The following C10orf67 variants were observed in gnomAD, a reference collection of about 807,000 sequenced individuals.
C10orf67 encodes the protein chromosome 10 open reading frame 67, also known as uncharacterized protein C10orf67, mitochondrial.
Under a neutral mutation model 35.6 loss-of-function variants are expected in C10orf67, and 60 were observed. The observed-to-expected ratio is 1.68, with a 90% CI of 1.37 to 2.09. The LOEUF is 2.09. Among genes scored for constraint, C10orf67 ranks in the 30% most tolerant of loss-of-function variants. C10orf67 has a pLI of 0.00. For synonymous variants in C10orf67, 167 were observed against 115.8 expected, an observed-to-expected ratio of 1.44 and a Z score of -2.84; for missense variants, 474 against 330.2, an observed-to-expected ratio of 1.44 and a Z score of -3.38.
chr10:23,335,171 G>C (rs1271626957), intron 1 of C10orf67, among the ~76,000 whole-genome samples: 3 of 147,658 alleles, frequency 2.0e-5, no homozygotes, highest in Non-Finnish European at 4.5e-5. Flanking sequence ...CTGGGTGACA[G>C]AGCAAGATTC....
intron 12 of C10orf67, among the ~76,000 whole-genome samples, chr10:23,243,944 T>C (rs1018779772): frequency 5.3e-5 from 8 of 152,160 alleles, no homozygotes; most frequent in African/African-American, 1.9e-4. Flanking sequence ...CAGGCTAGAG[T>C]GCAGTGGCAT....
chr10:23,287,022 A>G (rs1292749931), intron 7 of C10orf67, among the ~76,000 whole-genome samples: 3 of 152,264 alleles, frequency 2.0e-5, no homozygotes, highest in Non-Finnish European at 4.4e-5. Flanking sequence ...GATAGGAAGA[A>G]TCAATATCAT....
At chr10:23,285,522 C>A (rs535168898) in intron 7 of C10orf67, among the ~76,000 whole-genome samples, 116 of 151,154 alleles carry the variant, frequency 7.7e-4, no homozygotes, top group African/African-American at 2.7e-3. Flanking sequence ...TTTTTTATCC[C>A]AATATATATT....
chr10:23,343,884 G>T (rs951872356), intron 1 of C10orf67: 1 of 462,416 alleles, frequency 2.2e-6, no homozygotes, highest in Admixed American at 2.4e-5. Context: ...GGCCGGCGGG[G>T]ACTGCCTCTC....
At chr10:23,212,211 G>A (rs1363727680) in intron 15 of C10orf67, among the ~76,000 whole-genome samples, 2 of 152,190 alleles carry the variant, frequency 1.3e-5, no homozygotes, top group Admixed American at 6.5e-5. Context: ...GCTAGGAGAC[G>A]GTCATGGGAC....
chr10:23,218,667 T>C (rs1841498206), intron 15 of C10orf67, among the ~76,000 whole-genome samples: 1 of 152,320 alleles, frequency 6.6e-6, no homozygotes, highest in East Asian at 1.9e-4. Context: ...GAAAAGTTGG[T>C]GGCAGTGACA....
At chr10:23,229,444 G>C (rs189245636) in intron 13 of C10orf67, among the ~76,000 whole-genome samples, 1 of 100,488 alleles carries the variant, frequency 1.0e-5, no homozygotes, top group African/African-American at 3.9e-5. Context: ...GGGGTGGGGG[G>C]AGGGGGGAGG....
chr10:23,253,469 G>A (rs894600975), intron 10 of C10orf67, among the ~76,000 whole-genome samples: 3 of 152,102 alleles, frequency 2.0e-5, no homozygotes, highest in African/African-American at 7.2e-5. Context: ...GAAATCACCA[G>A]GGGAAGAGCC....
chr10:23,232,133 C>A (rs575588101), intron 13 of C10orf67, among the ~76,000 whole-genome samples: 2 of 152,182 alleles, frequency 1.3e-5, no homozygotes, highest in African/African-American at 4.8e-5. Flanking sequence ...TGCGGGCATT[C>A]GTGTTATTAT....
At chr10:23,285,908 A>C (rs1843512490) in intron 7 of C10orf67, among the ~76,000 whole-genome samples, 1 of 152,252 alleles carries the variant, frequency 6.6e-6, no homozygotes. Context: ...GTGCAGATTT[A>C]GAAAGCTGAG....
chr10:23,243,459 G>A (rs761834881), intron 12 of C10orf67, among the ~76,000 whole-genome samples: 6 of 151,906 alleles, frequency 3.9e-5, no homozygotes, highest in Admixed American at 1.3e-4. Flanking sequence ...TGAGGTGGGC[G>A]GATCATCTGA....
chr10:23,343,622 C>A (rs1350213513), intron 1 of C10orf67, among the ~76,000 whole-genome samples: 22 of 152,178 alleles, frequency 1.4e-4, no homozygotes, highest in Non-Finnish European at 1.2e-4. Context: ...GCTGAGAAAA[C>A]TGAGGCACAG....
At chr10:23,343,076 G>C (rs1684116926) in intron 1 of C10orf67, among the ~76,000 whole-genome samples, 1 of 152,276 alleles carries the variant, frequency 6.6e-6, no homozygotes, top group Non-Finnish European at 1.5e-5. Flanking sequence ...AACACAGGGG[G>C]CAAAGGATTA....
At chr10:23,291,768 A>C (rs941236787) in intron 5 of C10orf67, among the ~76,000 whole-genome samples, 2 of 152,142 alleles carry the variant, frequency 1.3e-5, no homozygotes, top group African/African-American at 4.8e-5. Context: ...GGAGCACATC[A>C]CATGTCAAAG....
chr10:23,337,597 G>GA (rs1450776769), intron 1 of C10orf67, among the ~76,000 whole-genome samples: 2 of 152,072 alleles, frequency 1.3e-5, no homozygotes, highest in Middle Eastern at 3.2e-3. Context: ...ATAAGTTTTA[G>GA]AAAAAAGTAA....
chr10:23,278,097 A>G (rs775784925), intron 8 of C10orf67, among the ~76,000 whole-genome samples: 2 of 152,252 alleles, frequency 1.3e-5, no homozygotes, highest in Non-Finnish European at 2.9e-5. Context: ...ATCTGCCCGC[A>G]TGATACAATC....
intron 2 of C10orf67, among the ~76,000 whole-genome samples, chr10:23,324,803 C>T (rs1845117240): frequency 6.6e-6 from 1 of 152,208 alleles, no homozygotes; most frequent in South Asian, 2.1e-4. Context: ...AGACATTTGT[C>T]TAATGTGAAA....
intron 4 of C10orf67, chr10:23,319,013 T>A: frequency 1.4e-6 from 1 of 709,942 alleles, no homozygotes; most frequent in Non-Finnish European, 2.6e-6. Flanking sequence ...CTTTCCAATT[T>A]TTGTTTTAGG....
intron 7 of C10orf67, among the ~76,000 whole-genome samples, chr10:23,289,651 C>T (rs1053759047): frequency 1.3e-5 from 2 of 152,166 alleles, no homozygotes; most frequent in East Asian, 1.9e-4. Flanking sequence ...TGTAACTATT[C>T]GGTGCCTTAA....
Sources: allele counts gnomAD v4.1 joint callset (sites outside exome capture counted in the v4.1 genomes callset), GRCh38; gene constraint gnomAD v4.1.1; transcripts MANE v1.5; gene names NCBI Gene and HGNC (gene_info 2026-07-23, HGNC 2026-07-21).